Variants in GPR158 observed in about 807,000 individuals in gnomAD.
GPR158 encodes the protein G protein-coupled receptor 158, also known as metabotropic glycine receptor.
In GPR158, 30 loss-of-function variants were observed where a neutral mutation model predicts 78.2. The observed-to-expected ratio is 0.38, with a 90% CI of 0.29 to 0.52. The LOEUF is 0.52. Among genes scored for constraint, GPR158 ranks in the 20% least tolerant of loss-of-function variants. The pLI, the probability that GPR158 is intolerant of heterozygous loss-of-function variation, is 0.83. For missense variants in GPR158, 1,463 were observed against 1,523.5 expected, an observed-to-expected ratio of 0.96 and a Z score of 0.66; for synonymous variants, 581 against 591.1, an observed-to-expected ratio of 0.98 and a Z score of 0.25.
chr10:25,561,960 A>C (rs1836866360), intron 6 of GPR158, among the ~76,000 whole-genome samples: 1 of 151,758 alleles, frequency 6.6e-6, no homozygotes, highest in African/African-American at 2.4e-5. Flanking sequence ...CAACCACCAG[A>C]TGGCTGAAGA....
chr10:25,445,382 C>G (rs12765005), intron 4 of GPR158, among the ~76,000 whole-genome samples: 24,921 of 152,054 alleles, frequency 0.16, 2,270 homozygotes, highest in African/African-American at 0.26. Context: ...CATGTAGGCT[C>G]TGGAATGTTT....
chr10:25,420,159 T>C (rs1834729469), intron 4 of GPR158, among the ~76,000 whole-genome samples: 1 of 152,158 alleles, frequency 6.6e-6, no homozygotes. Flanking sequence ...GTTATTTATT[T>C]ATTTACTTGA....
At chr10:25,193,631 G>A (rs1279710967) in intron 1 of GPR158, among the ~76,000 whole-genome samples, 1 of 152,188 alleles carries the variant, frequency 6.6e-6, no homozygotes, top group Non-Finnish European at 1.5e-5. Context: ...TCCCCTCTAG[G>A]AATATGTACA....
At chr10:25,274,805 G>GT (rs1444729735) in intron 2 of GPR158, among the ~76,000 whole-genome samples, 6 of 152,142 alleles carry the variant, frequency 3.9e-5, no homozygotes, top group Non-Finnish European at 5.9e-5. Flanking sequence ...GTTCTTTGGT[G>GT]TATTGTAGTG....
intron 3 of GPR158, among the ~76,000 whole-genome samples, chr10:25,400,912 G>A (rs901885402): frequency 1.3e-5 from 2 of 152,094 alleles, no homozygotes; most frequent in African/African-American, 4.8e-5. Context: ...GATGCGACGG[G>A]AGGAAAAAAG....
intron 3 of GPR158, among the ~76,000 whole-genome samples, chr10:25,409,804 C>CA (rs1276041648): frequency 6.6e-6 from 1 of 151,992 alleles, no homozygotes; most frequent in Non-Finnish European, 1.5e-5. Context: ...TCAAAGAAAA[C>CA]AAAAAACAAA....
chr10:25,290,710 G>A (rs1441780466), intron 2 of GPR158, among the ~76,000 whole-genome samples: 1 of 152,034 alleles, frequency 6.6e-6, no homozygotes, highest in Admixed American at 6.5e-5. Context: ...ATTTCATGGA[G>A]TAGTTTCTTA....
chr10:25,416,665 T>G (rs968345468), intron 4 of GPR158, among the ~76,000 whole-genome samples: 5 of 152,190 alleles, frequency 3.3e-5, no homozygotes, highest in Non-Finnish European at 7.4e-5. Context: ...ACTATAATAC[T>G]TTCCTGGTTT....
At chr10:25,564,828 A>G (rs895133498) in intron 6 of GPR158, among the ~76,000 whole-genome samples, 4 of 152,160 alleles carry the variant, frequency 2.6e-5, no homozygotes, top group Admixed American at 1.3e-4. Flanking sequence ...TAGAATTCCA[A>G]AAAAGTTGAC....
At chr10:25,331,558 A>C (rs495338) in intron 2 of GPR158, among the ~76,000 whole-genome samples, 79,121 of 152,120 alleles carry the variant, frequency 0.52, 25,454 homozygotes, top group Non-Finnish European at 0.73. Flanking sequence ...GACTGACTTA[A>C]ACATTACTCC....
At chr10:25,359,390 T>G (rs1002655503) in intron 2 of GPR158, among the ~76,000 whole-genome samples, 29 of 152,102 alleles carry the variant, frequency 1.9e-4, no homozygotes, top group African/African-American at 7.0e-4. Flanking sequence ...GTATTTCTCC[T>G]AATGCTATCC....
chr10:25,458,694 G>T (rs2130609534), intron 4 of GPR158, among the ~76,000 whole-genome samples: 1 of 152,262 alleles, frequency 6.6e-6, no homozygotes, highest in East Asian at 1.9e-4. Flanking sequence ...AGGCTCAAAG[G>T]TTGAACAACT....
At chr10:25,444,637 T>C (rs1835115972) in intron 4 of GPR158, among the ~76,000 whole-genome samples, 1 of 150,950 alleles carries the variant, frequency 6.6e-6, no homozygotes, top group African/African-American at 2.4e-5. Context: ...TGAAGATGTG[T>C]GTATTTGTTT....
chr10:25,567,201 G>A (rs1185653098), intron 6 of GPR158, among the ~76,000 whole-genome samples: 1 of 152,112 alleles, frequency 6.6e-6, no homozygotes, highest in African/African-American at 2.4e-5. Flanking sequence ...TCTGAAAATG[G>A]AAAGCTATTA....
chr10:25,536,879 C>T (rs2130699085), intron 5 of GPR158, among the ~76,000 whole-genome samples: 1 of 152,330 alleles, frequency 6.6e-6, no homozygotes, highest in South Asian at 2.1e-4. Context: ...AATGCATCAT[C>T]TTGGGCCTCA....
At chr10:25,362,453 A>G (rs1372674569) in intron 2 of GPR158, among the ~76,000 whole-genome samples, 2 of 151,858 alleles carry the variant, frequency 1.3e-5, no homozygotes, top group Non-Finnish European at 2.9e-5. Flanking sequence ...GATATTCTAT[A>G]TGAATTTTAA....
chr10:25,348,408 C>G (rs1855404571), intron 2 of GPR158, among the ~76,000 whole-genome samples: 1 of 149,400 alleles, frequency 6.7e-6, no homozygotes, highest in Non-Finnish European at 1.5e-5. Context: ...CACACACACA[C>G]ACACACACAC....
chr10:25,233,157 T>A (rs1174114270), intron 2 of GPR158, among the ~76,000 whole-genome samples: 1 of 152,216 alleles, frequency 6.6e-6, no homozygotes, highest in Non-Finnish European at 1.5e-5. Flanking sequence ...GTCCATGCGC[T>A]GTCTCCAGAA....
chr10:25,201,284 TTC>T (rs1380528262), intron 1 of GPR158, among the ~76,000 whole-genome samples: 1 of 152,152 alleles, frequency 6.6e-6, no homozygotes, highest in African/African-American at 2.4e-5. Context: ...GGGATAGTGT[TTC>T]TGATTTGGGT....
Sources: allele counts gnomAD v4.1 joint callset (sites outside exome capture counted in the v4.1 genomes callset), GRCh38; gene constraint gnomAD v4.1.1; transcripts MANE v1.5; gene names NCBI Gene and HGNC (gene_info 2026-07-23, HGNC 2026-07-21).